Variants in ITPR1 observed in about 807,000 individuals in gnomAD.
ITPR1 encodes the protein inositol 1,4,5-trisphosphate-gated calcium channel ITPR1.
In ITPR1, 96 loss-of-function variants were observed where a neutral mutation model predicts 318.4. The observed-to-expected ratio is 0.30, with a 90% confidence interval of 0.26 to 0.36. The LOEUF is 0.36. Ranked by LOEUF, ITPR1 falls within the 10% of genes least tolerant of loss-of-function variation. The pLI is 1.00. For missense variants in ITPR1, 2,440 were observed against 3,460.2 expected, an observed-to-expected ratio of 0.71 and a Z score of 7.40; for synonymous variants, 1,312 against 1,289.9, an observed-to-expected ratio of 1.02 and a Z score of -0.37.
In ITPR1 at chr3:4,763,653, G is replaced by A. The variant is rs988452311; in HGVS notation, c.5545-2877G>A. ...CACATTCTATCAATAAAGCTGCTTC[G>A]AACCCTTGAGCGACTGAGGACTGGA... is the stretch of plus-strand genomic sequence containing the variant. On this transcript the variant is annotated intron_variant, in intron 44 of 61. Coordinates refer to ENST00000649015, the MANE Select transcript of ITPR1 (RefSeq NM_001378452.1). Among the ~76,000 whole-genome samples, 8 of 152,164 alleles carry A rather than the reference G, an allele frequency of 5.3e-5. 1 individual carries two copies. Among genetic ancestry groups the A allele is most frequent in the East Asian group, 1.9e-4 (1 of 5,170 alleles).
intron 17 of ITPR1, among the ~76,000 whole-genome samples, chr3:4,666,038 T>A (rs1014552286): frequency 1.3e-5 from 2 of 152,202 alleles, no homozygotes; most frequent in South Asian, 4.2e-4. Flanking sequence ...GCCAAGGACA[T>A]CCCCACACAA....
intron 2 of ITPR1, 124 bp from the exon 3 acceptor site, chr3:4,516,352 T>A: frequency 3.7e-6 from 2 of 544,820 alleles, no homozygotes; most frequent in Non-Finnish European, 6.4e-6. Flanking sequence ...GTCAAACTGT[T>A]ATTTAAATTT....
chr3:4,673,919 C>A lies in ITPR1; in HGVS notation c.2457-283C>A, dbSNP rs1256790771. ...TTTATATCTCATTTATCTCCTCTTT[C>A]ATTCTGCAAATATTTAAGTGTGTAC... On this transcript the variant is annotated intron_variant, in intron 21 of 61. Transcript: ENST00000649015. Among the ~76,000 whole-genome samples, 15 of 152,258 alleles carry A rather than the reference C, an allele frequency of 9.9e-5. No individual in the cohort carries two copies. The East Asian group carries it at 2.1e-3, about 22-fold the overall frequency.
intron 10 of ITPR1, among the ~76,000 whole-genome samples, chr3:4,648,276 C>T (rs781163496): frequency 6.6e-6 from 1 of 152,086 alleles, no homozygotes; most frequent in African/African-American, 2.4e-5. Flanking sequence ...CCCTTTCTTC[C>T]TCCTCTCTAC....
At chr3:4,497,023 C>T (rs2080636043) in intron 2 of ITPR1, among the ~76,000 whole-genome samples, 1 of 151,254 alleles carries the variant, frequency 6.6e-6, no homozygotes. Flanking sequence ...AAACACATTG[C>T]ATTTGCAGGC....
At chr3:4,549,705 GT>G (rs1303651486) in intron 4 of ITPR1, among the ~76,000 whole-genome samples, 1 of 152,126 alleles carries the variant, frequency 6.6e-6, no homozygotes, top group South Asian at 2.1e-4. Context: ...TTCATCTTGG[GT>G]TTTCATCAGT....
intron 61 of ITPR1, among the ~76,000 whole-genome samples, chr3:4,837,803 T>C (rs902685766): frequency 6.6e-6 from 1 of 152,136 alleles, no homozygotes; most frequent in Non-Finnish European, 1.5e-5. Context: ...CCCTGGGTGG[T>C]GAGAAGACCC....
chr3:4,543,268 A>G lies in ITPR1; in HGVS notation c.163+22174A>G, dbSNP rs139448465. On this transcript the variant is annotated intron_variant, in intron 4 of 61. Coordinates refer to ENST00000649015, the MANE Select transcript of ITPR1 (RefSeq NM_001378452.1). ...CAGAGCAAGAGCCTGTCTCAAAAAA[A>G]AAAAAGAGAAAAAAAAGAAAAAAGC... is the stretch of plus-strand genomic sequence containing the variant. 5.0e-3 allele frequency among the ~76,000 whole-genome samples: 763 copies of G among 152,052 alleles called. 19 individuals are homozygous for G. Among genetic ancestry groups the G allele is most frequent in the East Asian group, 0.035 (178 of 5,152 alleles).
At chr3:4,726,694 C>T (rs1350721554) in intron 41 of ITPR1, among the ~76,000 whole-genome samples, 2 of 152,128 alleles carry the variant, frequency 1.3e-5, no homozygotes, top group African/African-American at 4.8e-5. Flanking sequence ...AAGCCGTGGT[C>T]CCATATCTGT....
intron 3 of ITPR1, among the ~76,000 whole-genome samples, chr3:4,519,568 G>A (rs972044040): frequency 6.6e-5 from 10 of 152,132 alleles, no homozygotes; most frequent in African/African-American, 1.9e-4. Context: ...TGGATTCTGA[G>A]CCCACCCTGT....
intron 4 of ITPR1, among the ~76,000 whole-genome samples, chr3:4,612,319 C>T (rs919382717): frequency 1.3e-5 from 2 of 151,932 alleles, no homozygotes; most frequent in African/African-American, 4.8e-5. Context: ...GCCTCGGCCT[C>T]CTAAAGTGCT....
intron 3 of ITPR1, among the ~76,000 whole-genome samples, chr3:4,516,862 C>T (rs1381258894): frequency 6.6e-6 from 1 of 152,114 alleles, no homozygotes; most frequent in African/African-American, 2.4e-5. Context: ...GGGAGAGTGC[C>T]TTTATTCCAC....
At chr3:4,678,621 C>T (rs750209533) in intron 24 of ITPR1, among the ~76,000 whole-genome samples, 1 of 152,134 alleles carries the variant, frequency 6.6e-6, no homozygotes, top group South Asian at 2.1e-4. Context: ...GGAAATAAAA[C>T]CACCAGAAAG....
intron 5 of ITPR1, among the ~76,000 whole-genome samples, chr3:4,635,533 G>C (rs1032790660): frequency 4.6e-5 from 7 of 151,650 alleles, no homozygotes; most frequent in Non-Finnish European, 1.0e-4. Context: ...TTTTAGTAGA[G>C]ACGGGGTTTC....
rs550711375 is a variant in ITPR1, at chr3:4,584,136, G to T, written c.164-43627G>T. Among the ~76,000 whole-genome samples the T allele has an allele frequency of 2.0e-5, 3 of 152,150 alleles. No individual in the cohort carries two copies. In the East Asian group the frequency reaches 5.8e-4, roughly 29 times the overall value. ...TTTGCACATCCTAAGTTTTAATGAA[G>T]CTCACAGTTTATTATTATCTTCAGT... On this transcript the variant is annotated intron_variant, in intron 4 of 61. Transcript: ENST00000649015.
intron 44 of ITPR1, chr3:4,749,782 A>G (rs576640776): frequency 1.3e-5 from 2 of 152,806 alleles, no homozygotes; most frequent in Admixed American, 1.3e-4. Flanking sequence ...ACAGGAAGTC[A>G]AAATCATGGA....
Position 4,710,041 on chromosome 3 carries a change from A to G in ITPR1, c.4843-284A>G, listed in dbSNP as rs1053603499. On this transcript the variant is annotated intron_variant, in intron 37 of 61. Transcript: ENST00000649015. The surrounding 1 kb of genome is among the most constrained non-coding windows in gnomAD (Gnocchi z 4.2). ...TGTTGTTAAATTGATTTTTTGCGTCATATTTTAAGCTACATGCAGTGGTAC... is the reference window on the plus strand; with the variant it reads ...TGTTGTTAAATTGATTTTTTGCGTCGTATTTTAAGCTACATGCAGTGGTAC... 6.6e-6 allele frequency among the ~76,000 whole-genome samples: 1 copy of G among 152,226 alleles called. No homozygotes were observed. Among genetic ancestry groups the G allele is most frequent in the Non-Finnish European group, 1.5e-5 (1 of 68,028 alleles).
chr3:4,574,800 G>A (rs935928521), intron 4 of ITPR1, among the ~76,000 whole-genome samples: 7 of 152,206 alleles, frequency 4.6e-5, no homozygotes, highest in African/African-American at 1.7e-4. Flanking sequence ...TGTTCCCACC[G>A]CCTCATGGCC....
chr3:4,493,654 C>A (rs1482098992), intron 1 of ITPR1, 49 bp downstream of exon 1: 3 of 152,506 alleles, frequency 2.0e-5, no homozygotes. Flanking sequence ...CACTGGCTCC[C>A]CGGGCGCAGA....
Sources: allele counts gnomAD v4.1 joint callset (sites outside exome capture counted in the v4.1 genomes callset), GRCh38; gene constraint gnomAD v4.1.1; non-coding constraint Gnocchi (gnomAD v3.1); transcripts MANE v1.5; gene names NCBI Gene and HGNC (gene_info 2026-07-23, HGNC 2026-07-21).